Variants in MAP2K5 observed in about 807,000 individuals in gnomAD.
MAP2K5 encodes the protein mitogen-activated protein kinase kinase 5.
MAP2K5 carries 49 observed loss-of-function variants against 83.1 expected under a neutral mutation model. That is an observed-to-expected ratio of 0.59 (90% CI 0.47 to 0.75). The LOEUF (loss-of-function observed/expected upper bound fraction) is 0.75. Among genes scored for constraint, MAP2K5 ranks in the 30% least tolerant of loss-of-function variants. The pLI is 0.00. For missense variants in MAP2K5, 457 were observed against 557.5 expected, an observed-to-expected ratio of 0.82 and a Z score of 1.82; for synonymous variants, 202 against 191.8, an observed-to-expected ratio of 1.05 and a Z score of -0.44.
intron 8 of MAP2K5, among the ~76,000 whole-genome samples, chr15:67,618,676 G>A (rs2086110163): frequency 6.6e-6 from 1 of 152,176 alleles, no homozygotes; most frequent in Non-Finnish European, 1.5e-5. Flanking sequence ...CAAAAACTTT[G>A]CAGTCTTTCT....
At chr15:67,655,850 A>G (rs557820081) in intron 11 of MAP2K5, among the ~76,000 whole-genome samples, 1 of 152,190 alleles carries the variant, frequency 6.6e-6, no homozygotes, top group South Asian at 2.1e-4. Context: ...CATTAAGCAT[A>G]TGTCCGTATG....
chr15:67,611,651 A>G (rs1596647562), intron 8 of MAP2K5, among the ~76,000 whole-genome samples: 1 of 152,216 alleles, frequency 6.6e-6, no homozygotes, highest in Non-Finnish European at 1.5e-5. Flanking sequence ...TTATGAAGAA[A>G]TGGAAACACA....
In MAP2K5 at chr15:67,779,232, G is replaced by A. The variant is rs984380463; in HGVS notation, c.1242+6480G>A. On this transcript the variant is annotated intron_variant, in intron 21 of 21. Transcript: ENST00000178640. The surrounding 1 kb of genome is among the most constrained non-coding windows in gnomAD (Gnocchi z 4.6). ...TGGAATTTTTTTTTAAGTTCTGAAG[G>A]CCATTAAAATCATCTGTTTGTGTCT... is the stretch of plus-strand genomic sequence containing the variant. 6.6e-6 allele frequency among the ~76,000 whole-genome samples: 1 copy of A among 152,130 alleles called. No individual in the cohort carries two copies. The highest frequency in any genetic ancestry group is 1.5e-5 in the Non-Finnish European group (1 of 68,036).
chr15:67,550,508 C>A (rs1464740626), intron 2 of MAP2K5, among the ~76,000 whole-genome samples: 2 of 152,202 alleles, frequency 1.3e-5, no homozygotes, highest in African/African-American at 4.8e-5. Flanking sequence ...TGGGGCTTAG[C>A]AGGGATGCTA....
rs999349065 is a variant in MAP2K5, at chr15:67,782,155, A to G, written c.1242+9403A>G. On this transcript the variant is annotated intron_variant, in intron 21 of 21. Coordinates refer to ENST00000178640, the MANE Select transcript of MAP2K5 (RefSeq NM_145160.3). The surrounding 1 kb of genome is among the most constrained non-coding windows in gnomAD (Gnocchi z 4.9). ...TGATTGGGCCCAGCTGGTAGTAGATAAGAAAATGTTCCTTTCACAAAGAGG... is the reference window on the plus strand; with the variant it reads ...TGATTGGGCCCAGCTGGTAGTAGATGAGAAAATGTTCCTTTCACAAAGAGG... Among the ~76,000 whole-genome samples the G allele has an allele frequency of 4.6e-5, 7 of 152,206 alleles. No homozygotes were observed. Among genetic ancestry groups the G allele is most frequent in the Non-Finnish European group, 1.0e-4 (7 of 68,026 alleles).
intron 13 of MAP2K5, among the ~76,000 whole-genome samples, chr15:67,670,975 C>T (rs1270419117): frequency 6.6e-6 from 1 of 152,162 alleles, no homozygotes; most frequent in African/African-American, 2.4e-5. Flanking sequence ...ATTTTAAAAG[C>T]TCAGTTTCTA....
intron 8 of MAP2K5, among the ~76,000 whole-genome samples, chr15:67,605,834 G>C (rs533249918): frequency 1.3e-5 from 2 of 152,168 alleles, no homozygotes; most frequent in South Asian, 4.2e-4. Flanking sequence ...GTTTTAGTGG[G>C]GCTCTTTCAT....
At chr15:67,591,294 G>A (rs773424137) in intron 6 of MAP2K5, among the ~76,000 whole-genome samples, 2 of 151,172 alleles carry the variant, frequency 1.3e-5, no homozygotes. Context: ...GCAGTGAGCT[G>A]AGCTCACACC....
chr15:67,703,617 C>T (rs528460154), intron 16 of MAP2K5, among the ~76,000 whole-genome samples: 1 of 152,278 alleles, frequency 6.6e-6, no homozygotes, highest in South Asian at 2.1e-4. Context: ...TTACAGATCA[C>T]CTGTGTAAGA....
rs557406208 is a variant in MAP2K5 at position 67,592,141 on chromosome 15, T to G, written c.432-785T>G. The stretch of plus-strand genomic sequence containing the variant: ...CTCAAAAAAAAAAAAAAAAAGGACT[T>G]TCACTAAATTCATCCATATGAGTGT... On this transcript the variant is annotated intron_variant, in intron 6 of 21. Coordinates refer to ENST00000178640, the MANE Select transcript of MAP2K5 (RefSeq NM_145160.3). 2.5e-5 allele frequency among the ~76,000 whole-genome samples: 3 copies of G among 121,006 alleles called. No individual in the cohort carries two copies. The South Asian group carries it at 8.3e-4, about 33-fold the overall frequency. The allele number at this position is 121,006 out of a possible 152,430, so 79.4% of individuals were successfully genotyped here.
At chr15:67,590,465 C>CTG in intron 6 of MAP2K5, among the ~76,000 whole-genome samples, 1 of 127,638 alleles carries the variant, frequency 7.8e-6, no homozygotes, top group African/African-American at 2.9e-5. Flanking sequence ...CTCTCTCTCT[C>CTG]TCTCTCTCTC....
In MAP2K5 at chr15:67,781,632, C is replaced by T. The variant is rs2090330311; in HGVS notation, c.1242+8880C>T. On this transcript the variant is annotated intron_variant, in intron 21 of 21. Coordinates refer to ENST00000178640, the MANE Select transcript of MAP2K5 (RefSeq NM_145160.3). The surrounding 1 kb of genome is among the most constrained non-coding windows in gnomAD (Gnocchi z 4.0). ...TATCGTGGTTTACCGTTTCTCTGGTCTCTTCATATAAATGGTCACTGATTC... is the reference window on the plus strand; with the variant it reads ...TATCGTGGTTTACCGTTTCTCTGGTTTCTTCATATAAATGGTCACTGATTC... Among the ~76,000 whole-genome samples, 1 of 152,016 alleles carries T rather than the reference C, an allele frequency of 6.6e-6. No individual in the cohort carries two copies. Among genetic ancestry groups the T allele is most frequent in the South Asian group, 2.1e-4 (1 of 4,828 alleles).
chr15:67,800,568 T>C (rs1388159087), intron 21 of MAP2K5, among the ~76,000 whole-genome samples: 1 of 152,226 alleles, frequency 6.6e-6, no homozygotes, highest in Admixed American at 6.5e-5. Flanking sequence ...CAGAAATGTT[T>C]TATTTTACAG....
intron 16 of MAP2K5, among the ~76,000 whole-genome samples, chr15:67,725,043 C>T (rs543975164): frequency 7.3e-4 from 111 of 152,292 alleles, no homozygotes; most frequent in African/African-American, 2.6e-3. Flanking sequence ...ACTGAGGTTC[C>T]ACAAGATGTC....
chr15:67,798,221 G>T (rs994589252), intron 21 of MAP2K5, among the ~76,000 whole-genome samples: 12 of 152,120 alleles, frequency 7.9e-5, no homozygotes, highest in Non-Finnish European at 1.8e-4. Flanking sequence ...TTCTCCTCTG[G>T]CATCCTCCCT....
rs575102789 is a variant in MAP2K5, at chr15:67,557,167, A to T, written c.185-6116A>T. The stretch of plus-strand genomic sequence containing the variant: ...CCAACACATGAGGTGATAAAAATCA[A>T]CCGTGCCCACTAATGCATTTCCTGT... On this transcript the variant is annotated intron_variant, in intron 2 of 21. Transcript: ENST00000178640. Among the ~76,000 whole-genome samples the T allele has an allele frequency of 1.3e-4, 20 of 152,318 alleles. 1 individual carries two copies. In the South Asian group the frequency reaches 3.7e-3, roughly 28 times the overall value.
Position 67,783,808 on chromosome 15 carries a change from G to C in MAP2K5, c.1242+11056G>C, listed in dbSNP as rs1343762448. Among the ~76,000 whole-genome samples the C allele has an allele frequency of 6.6e-6, 1 of 152,200 alleles. No individual in the cohort carries two copies. Among genetic ancestry groups the C allele is most frequent in the African/African-American group, 2.4e-5 (1 of 41,450 alleles). ...GCTTTGAGAATGGAGTGACAGGTGAGCTGGGACCCACGGACATTTGGGTAT... is the reference window on the plus strand; with the variant it reads ...GCTTTGAGAATGGAGTGACAGGTGACCTGGGACCCACGGACATTTGGGTAT... On this transcript the variant is annotated intron_variant, in intron 21 of 21. Transcript: ENST00000178640. This position sits in a 1 kb window ranked among gnomAD's most constrained non-coding sequence, Gnocchi z 5.1.
chr15:67,610,996 A>G (rs971410539), intron 8 of MAP2K5, among the ~76,000 whole-genome samples: 13 of 152,314 alleles, frequency 8.5e-5, no homozygotes, highest in African/African-American at 2.9e-4. Context: ...CAAAATTAGA[A>G]CTTGCTTTAG....
chr15:67,560,537 A>T (rs761774174), intron 2 of MAP2K5, among the ~76,000 whole-genome samples: 5 of 152,234 alleles, frequency 3.3e-5, no homozygotes, highest in African/African-American at 4.8e-5. Flanking sequence ...TGCCTCTTTC[A>T]ACTTATCTGA....
Sources: gnomAD v4.1 joint callset for allele counts (sites outside exome capture counted in the v4.1 genomes callset) on GRCh38, gnomAD v4.1.1 for gene constraint, Gnocchi (gnomAD v3.1) non-coding constraint, MANE v1.5 for transcripts, NCBI Gene and HGNC (gene_info 2026-07-23, HGNC 2026-07-21) for gene names.